Variants in MORC2 observed in about 807,000 individuals in gnomAD.
MORC2 encodes ATPase MORC2.
Under a neutral mutation model 136.0 loss-of-function variants are expected in MORC2, and 30 were observed. The ratio of observed to expected loss-of-function variants is 0.22; its 90% CI spans 0.17 to 0.30. MORC2 has a LOEUF of 0.30. Ranked by LOEUF, MORC2 falls within the 10% of genes least tolerant of loss-of-function variation. The pLI is 1.00. For synonymous variants in MORC2, 439 were observed against 487.0 expected, an observed-to-expected ratio of 0.90 and a Z score of 1.30; for missense variants, 922 against 1,333.1, an observed-to-expected ratio of 0.69 and a Z score of 4.80.
chr22:30,933,917 C>T, intron 20 of MORC2, 143 bp downstream of exon 20: 4 of 979,982 alleles, frequency 4.1e-6, no homozygotes, highest in Non-Finnish European at 4.6e-6. Context: ...TTGGTGCAGA[C>T]TGCTGGTGGG....
rs1440951928 is a variant in MORC2, at chr22:30,968,352, A to G, written c.-463T>C. 2 of 156,784 alleles carry G rather than the reference A, an allele frequency of 1.3e-5. No homozygotes were observed. Among genetic ancestry groups the G allele is most frequent in the East Asian group, 3.8e-4 (2 of 5,290 alleles). 9.7% of individuals were successfully genotyped at this position (156,784 alleles called of 1,614,324 possible). The stretch of plus-strand genomic sequence containing the variant: ...ACCCACTTCTGTCAGAAAACTGATC[A>G]GCCATGTCTTCGCCACACGTGATGC... On this transcript the variant is annotated 5_prime_UTR_variant, in exon 1 of 26. Transcript: ENST00000397641.
intron 6 of MORC2, among the ~76,000 whole-genome samples, chr22:30,943,084 T>C (rs957482112): frequency 2.6e-5 from 4 of 152,146 alleles, no homozygotes; most frequent in Non-Finnish European, 5.9e-5. Flanking sequence ...GAACACTATA[T>C]AGTGATACAA....
intron 1 of MORC2, chr22:30,967,062 T>C (rs1452442294): frequency 3.7e-5 from 36 of 977,268 alleles, no homozygotes; most frequent in Non-Finnish European, 4.4e-5. Context: ...GTTAGAACAC[T>C]TACCTTCATC....
At position 30,936,559 on chromosome 22, in the gene MORC2, T is replaced by A. The variant is rs773249903; in HGVS notation, c.1689A>T (p.Gln563His). 9.3e-6 allele frequency: 15 copies of A among 1,614,108 alleles called. 1 individual carries two copies. In the South Asian group the frequency reaches 1.1e-4, roughly 12 times the overall value. ...GCTGCTGGCGAATTTTCTCTGTCAG[T>A]TGTTTCTGCTTCTCTTCCTGCGTCT... ...DMKTQEEKQK[Q>H]LTEKIRQQQE... Residue 563 changes from glutamine (Q) to histidine (H), a missense_variant, in exon 17 of 26, where the codon CAA becomes CAT. Physicochemically the swap from Gln to His is conservative, Grantham distance 24. This residue lies in a region of MORC2 where 119 missense variants were observed against 202.7 expected (regional missense o/e 0.59). Transcript: ENST00000397641.
At chr22:30,948,440 G>C (rs527633602) in intron 5 of MORC2, among the ~76,000 whole-genome samples, 1 of 152,318 alleles carries the variant, frequency 6.6e-6, no homozygotes, top group African/African-American at 2.4e-5. Flanking sequence ...CAGATCCACT[G>C]AATCAGGCCA....
rs188925071 is a variant in MORC2, at chr22:30,926,606, G to C, written c.*197C>G. ...AAAAAAGTATGGTCTCACAGGCACA[G>C]CATCTTCTTTTAAAAAATAAATATT... On this transcript the variant is annotated 3_prime_UTR_variant, in exon 26 of 26. Transcript: ENST00000397641. 4.7e-5 allele frequency: 6 copies of C among 127,684 alleles called. No individual in the cohort carries two copies. The South Asian group carries it at 1.0e-3, about 21-fold the overall frequency. 7.9% of individuals were successfully genotyped at this position (127,684 alleles called of 1,614,324 possible).
rs931188327 is a variant in MORC2 at position 30,934,486 on chromosome 22, T to C, written c.2193+295A>G. Among the ~76,000 whole-genome samples the C allele has an allele frequency of 6.6e-6, 1 of 152,158 alleles. No homozygotes were observed. Among genetic ancestry groups the C allele is most frequent in the Non-Finnish European group, 1.5e-5 (1 of 68,034 alleles). On this transcript the variant is annotated intron_variant, in intron 19 of 25. Transcript: ENST00000397641. This position sits in a 1 kb window ranked among gnomAD's most constrained non-coding sequence, Gnocchi z 4.4. Reference sequence around the variant, plus strand: ...ACTGCCGCAGCCCACTCAGGCTATCTGTCACCAGATGACTGACCTAAGCCC... The same window carrying C: ...ACTGCCGCAGCCCACTCAGGCTATCCGTCACCAGATGACTGACCTAAGCCC...
chr22:30,956,769 A>G lies in MORC2; in HGVS notation c.151T>C (p.Tyr51His). Residue 51 changes from tyrosine (Y) to histidine (H), a missense_variant, in exon 3 of 26, where the codon TAT becomes CAT. Physicochemically the swap from Tyr to His is moderately conservative, Grantham distance 83 (BLOSUM62 2). Transcript: ENST00000397641. ...RDADATRIDI[Y>H]AERREDLRGG... ...GGACTAAAGCCTGACTTACCTGCAT[A>G]AATATCTATTCTGGTGGCATCAGCA... is the stretch of plus-strand genomic sequence containing the variant. 6.5e-7 allele frequency: 1 copy of G among 1,545,434 alleles called. No homozygotes were observed. The highest frequency in any genetic ancestry group is 8.8e-7 in the Non-Finnish European group (1 of 1,142,668).
Position 30,942,246 on chromosome 22 carries a change from T to C in MORC2, c.452A>G (p.Asn151Ser), listed in dbSNP as rs2040752942. 6.2e-7 allele frequency: 1 copy of C among 1,612,772 alleles called. No homozygotes were observed. The highest frequency in any genetic ancestry group is 8.5e-7 in the Non-Finnish European group (1 of 1,180,006). The stretch of plus-strand genomic sequence containing the variant: ...TGTGACAGGTTCCCGGGTCCGAGCA[T>C]TCCAGGTGGGCAGTGGGACTATCAC... ...DEVIVPLPTW[N>S]ARTREPVTDN... The change falls in exon 7 of 26, where the codon AAT (asparagine) becomes AGT (serine). Residue 151 changes from asparagine to serine, a missense_variant. Around this residue, in one of 9 missense-constraint regions of MORC2, gnomAD observed 261 missense variants for 354.3 expected, o/e 0.74. Transcript: ENST00000397641.
chr22:30,946,571 C>T (rs1278453756), intron 5 of MORC2, 122 bp from the exon 6 acceptor site: 9 of 752,680 alleles, frequency 1.2e-5, no homozygotes, highest in South Asian at 1.9e-5. Flanking sequence ...AAGGCCCCCC[C>T]AGGTCCCAGG....
chr22:30,962,958 G>C (rs574971902), intron 1 of MORC2, among the ~76,000 whole-genome samples: 1 of 151,972 alleles, frequency 6.6e-6, no homozygotes, highest in Non-Finnish European at 1.5e-5. Flanking sequence ...ATTTGGGATA[G>C]AGTAAACATC....
intron 1 of MORC2, among the ~76,000 whole-genome samples, chr22:30,965,823 C>T (rs992779066): frequency 2.0e-5 from 3 of 152,334 alleles, no homozygotes; most frequent in African/African-American, 7.2e-5. Flanking sequence ...AAATTGAAGA[C>T]TTTTAAACTG....
intron 3 of MORC2, among the ~76,000 whole-genome samples, chr22:30,951,025 C>T (rs571108733): frequency 2.6e-5 from 4 of 152,302 alleles, no homozygotes; most frequent in African/African-American, 9.6e-5. Context: ...GGGCTATCTG[C>T]ATTTACTGTC....
chr22:30,957,549 G>A (rs1264312774), intron 2 of MORC2, among the ~76,000 whole-genome samples: 3 of 152,160 alleles, frequency 2.0e-5, no homozygotes, highest in Non-Finnish European at 2.9e-5. Flanking sequence ...AAATATGAGA[G>A]ATACTGGCAA....
intron 12 of MORC2, among the ~76,000 whole-genome samples, chr22:30,938,691 T>C (rs1446148534): frequency 2.6e-5 from 4 of 152,132 alleles, no homozygotes; most frequent in Non-Finnish European, 5.9e-5. Flanking sequence ...TGCCTCAGCC[T>C]CCCAAGTAGC....
At chr22:30,946,559 T>A in intron 5 of MORC2, 110 bp from the exon 6 acceptor site, 4 of 900,108 alleles carry the variant, frequency 4.4e-6, no homozygotes, top group Non-Finnish European at 1.7e-6. Flanking sequence ...AGGGCTCTCC[T>A]AAAGGCCCCC....
chr22:30,962,277 A>C (rs1384879735), intron 1 of MORC2, among the ~76,000 whole-genome samples: 1 of 152,006 alleles, frequency 6.6e-6, no homozygotes, highest in African/African-American at 2.4e-5. Context: ...AAAAATTCTA[A>C]ATGGGCAGGG....
chr22:30,940,691 A>G, intron 10 of MORC2, 67 bp downstream of exon 10: 1 of 1,414,882 alleles, frequency 7.1e-7, no homozygotes, highest in Non-Finnish European at 1.0e-6. Context: ...CTGGAACCCC[A>G]CTTTGCCCAC....
rs1161969549 is a variant in MORC2, at chr22:30,962,207, C to CA, written c.69-3514dup. On this transcript the variant is annotated intron_variant, in intron 1 of 25. Transcript: ENST00000397641. ...CCTGGACAAGAGCAAAACTCCACCTCAAAAAAAAAAAAAGAAAGAAAGAAA... is the reference window on the plus strand; with the variant it reads ...CCTGGACAAGAGCAAAACTCCACCTCAAAAAAAAAAAAAAGAAAGAAAGAAA... Among the ~76,000 whole-genome samples the CA allele has an allele frequency of 5.5e-3, 600 of 109,106 alleles. 2 individuals carry two copies. Among genetic ancestry groups the CA allele is most frequent in the African/African-American group, 0.014 (384 of 28,416 alleles). 71.6% of individuals were successfully genotyped at this position (109,106 alleles called of 152,430 possible). A position where few individuals can be genotyped will look rare whatever the true frequency, so the allele number is the denominator to read the frequency against.
Sources: allele counts gnomAD v4.1 joint callset (sites outside exome capture counted in the v4.1 genomes callset), GRCh38; gene constraint gnomAD v4.1.1; regional missense constraint gnomAD v4.1.1; non-coding constraint Gnocchi (gnomAD v3.1); transcripts MANE v1.5; gene names NCBI Gene and HGNC (gene_info 2026-07-23, HGNC 2026-07-21).